The following PTPRO variants were observed in gnomAD, a reference collection of about 807,000 sequenced individuals.
PTPRO encodes receptor-type tyrosine-protein phosphatase O.
In PTPRO, 62 loss-of-function variants were observed where a neutral mutation model predicts 145.2. The observed-to-expected ratio is 0.43, with a 90% CI of 0.35 to 0.53. PTPRO has a LOEUF of 0.53. PTPRO is among the 20% of genes least tolerant of loss of function. The pLI is 0.01. For synonymous variants in PTPRO, 565 were observed against 514.7 expected, an observed-to-expected ratio of 1.10 and a Z score of -1.32; for missense variants, 1,345 against 1,482.7, an observed-to-expected ratio of 0.91 and a Z score of 1.53.
Position 15,322,842 on chromosome 12 carries a change from C to A in PTPRO, c.75+41C>A. 1 of 1,585,734 alleles carries A rather than the reference C, an allele frequency of 6.3e-7. No individual in the cohort carries two copies. Among genetic ancestry groups the A allele is most frequent in the Non-Finnish European group, 8.6e-7 (1 of 1,164,644 alleles). ...CACCCCTTTTTCCCAGCGGTCCGGGCGGCAGCCGCGCTCCGGCGCCCTCGC... is the reference window on the plus strand; with the variant it reads ...CACCCCTTTTTCCCAGCGGTCCGGGAGGCAGCCGCGCTCCGGCGCCCTCGC... On this transcript the variant is annotated intron_variant, in intron 1 of 26. Transcript: ENST00000281171. The surrounding 1 kb of genome is among the most constrained non-coding windows in gnomAD (Gnocchi z 6.3).
At chr12:15,487,127 G>A (rs1941905057) in intron 2 of PTPRO, among the ~76,000 whole-genome samples, 1 of 152,094 alleles carries the variant, frequency 6.6e-6, no homozygotes, top group Admixed American at 6.6e-5. Context: ...TTCACTCATT[G>A]CTAACTTTTT....
At chr12:15,432,229 C>G (rs868216395) in intron 1 of PTPRO, among the ~76,000 whole-genome samples, 1 of 152,168 alleles carries the variant, frequency 6.6e-6, no homozygotes, top group Non-Finnish European at 1.5e-5. Context: ...ATTTAGCCCC[C>G]ACTTGTAAGT....
chr12:15,548,281 T>C (rs1316807343), intron 13 of PTPRO, among the ~76,000 whole-genome samples: 1 of 152,138 alleles, frequency 6.6e-6, no homozygotes, highest in African/African-American at 2.4e-5. Context: ...TGCAAATGTA[T>C]GGTACTGGAA....
intron 12 of PTPRO, among the ~76,000 whole-genome samples, chr12:15,527,043 G>C (rs190071767): frequency 1.3e-5 from 2 of 152,068 alleles, no homozygotes; most frequent in Non-Finnish European, 2.9e-5. Context: ...AATTAAAGTA[G>C]GGACAACACA....
At chr12:15,430,585 A>G (rs568288784) in intron 1 of PTPRO, among the ~76,000 whole-genome samples, 23 of 152,276 alleles carry the variant, frequency 1.5e-4, no homozygotes, top group Middle Eastern at 6.8e-3. Flanking sequence ...TATTTGAACC[A>G]CTTGGGGAGA....
chr12:15,355,172 C>T (rs144589825), intron 1 of PTPRO, among the ~76,000 whole-genome samples: 1 of 152,304 alleles, frequency 6.6e-6, no homozygotes, highest in East Asian at 1.9e-4. Context: ...TTGCAATGCT[C>T]TTATCTGACA....
At chr12:15,327,643 C>G (rs2136194935) in intron 1 of PTPRO, among the ~76,000 whole-genome samples, 1 of 152,282 alleles carries the variant, frequency 6.6e-6, no homozygotes, top group Non-Finnish European at 1.5e-5. Context: ...CCCATTATAT[C>G]AGCTCTTTTT....
intron 20 of PTPRO, among the ~76,000 whole-genome samples, chr12:15,579,446 T>A (rs1270159887): frequency 2.0e-5 from 3 of 152,230 alleles, no homozygotes; most frequent in Non-Finnish European, 4.4e-5. Flanking sequence ...CACTTTTCTC[T>A]CTGCTACACG....
chr12:15,514,470 AAAAG>A (rs1328917911), intron 7 of PTPRO, among the ~76,000 whole-genome samples: 38 of 143,140 alleles, frequency 2.7e-4, no homozygotes, highest in Non-Finnish European at 4.9e-4. Context: ...AAAAAAAAAA[AAAAG>A]AAAGAACAGT....
intron 8 of PTPRO, among the ~76,000 whole-genome samples, chr12:15,516,116 G>A (rs1942578125): frequency 6.7e-6 from 1 of 149,458 alleles, no homozygotes; most frequent in Non-Finnish European, 1.5e-5. Flanking sequence ...TCAGCCTCCT[G>A]AGCAGCTGGG....
At chr12:15,528,215 A>G (rs1038690995) in intron 12 of PTPRO, among the ~76,000 whole-genome samples, 1 of 151,676 alleles carries the variant, frequency 6.6e-6, no homozygotes, top group Non-Finnish European at 1.5e-5. Context: ...AAGTCTGACT[A>G]TAAGATATTA....
In PTPRO at chr12:15,589,437, C is replaced by T. The variant is rs769707786; in HGVS notation, c.3411-18C>T. The stretch of plus-strand genomic sequence containing the variant: ...AAGCACCATCTGAATAATATGCCAT[C>T]GGAACATTCTTTTGCAGTGCTGGCG... On this transcript the variant is annotated intron_variant, in intron 24 of 26. Transcript: ENST00000281171. 4.3e-6 allele frequency: 7 copies of T among 1,613,500 alleles called. No homozygotes were observed. Among genetic ancestry groups the T allele is most frequent in the South Asian group, 2.2e-5 (2 of 91,064 alleles).
At chr12:15,423,406 A>G (rs1940199903) in intron 1 of PTPRO, among the ~76,000 whole-genome samples, 1 of 152,206 alleles carries the variant, frequency 6.6e-6, no homozygotes, top group Admixed American at 6.5e-5. Flanking sequence ...GTTTGTAATC[A>G]TAAATATTTT....
intron 1 of PTPRO, among the ~76,000 whole-genome samples, chr12:15,474,603 G>A (rs1941614303): frequency 1.3e-5 from 2 of 152,296 alleles, no homozygotes; most frequent in Middle Eastern, 3.4e-3. Flanking sequence ...AATTTGTTAT[G>A]TAAAGGAAAT....
chr12:15,398,610 G>T (rs939089290), intron 1 of PTPRO, among the ~76,000 whole-genome samples: 1 of 151,984 alleles, frequency 6.6e-6, no homozygotes, highest in Non-Finnish European at 1.5e-5. Context: ...TGCCTAAGTA[G>T]GCATCTGGTA....
chr12:15,359,047 C>G (rs1180658780), intron 1 of PTPRO, among the ~76,000 whole-genome samples: 7 of 152,162 alleles, frequency 4.6e-5, no homozygotes, highest in South Asian at 2.1e-4. Flanking sequence ...AGAATTTGGT[C>G]TAATTCTGTA....
intron 2 of PTPRO, among the ~76,000 whole-genome samples, chr12:15,485,188 A>T (rs904808504): frequency 6.6e-6 from 1 of 152,148 alleles, no homozygotes; most frequent in African/African-American, 2.4e-5. Context: ...AAGCTAGAGG[A>T]CATATTTTTA....
In PTPRO at chr12:15,524,860, G is replaced by C. The variant is rs1176512800; in HGVS notation, c.1938G>C (p.Leu646=). 1 of 1,613,506 alleles carries C rather than the reference G, an allele frequency of 6.2e-7. No homozygotes were observed. The highest frequency in any genetic ancestry group is 8.5e-7 in the Non-Finnish European group (1 of 1,179,486). Residue 646 remains leucine, a synonymous_variant, in exon 11 of 27, where the codon CTG becomes CTC. Coordinates refer to ENST00000281171, the MANE Select transcript of PTPRO (RefSeq NM_030667.3). The part of the protein sequence containing the change: ...EITSVEYFNS[L]LYISWTYGDD... ...CTTCTGTGGAATATTTCAACAGTCT[G>C]TTATATATCAGTTGGACATATGGGG...
intron 1 of PTPRO, among the ~76,000 whole-genome samples, chr12:15,472,190 C>A (rs552064797): frequency 6.6e-6 from 1 of 152,154 alleles, no homozygotes; most frequent in Non-Finnish European, 1.5e-5. Context: ...TCTGGATGTA[C>A]GTCACACAGT....
Sources: allele counts gnomAD v4.1 joint callset (sites outside exome capture counted in the v4.1 genomes callset), GRCh38; gene constraint gnomAD v4.1.1; non-coding constraint Gnocchi (gnomAD v3.1); transcripts MANE v1.5; gene names NCBI Gene and HGNC (gene_info 2026-07-23, HGNC 2026-07-21).